The following CGB2 variants were observed in gnomAD, a reference collection of about 807,000 sequenced individuals.
The protein encoded by CGB2 is chorionic gonadotropin subunit beta 2.
CGB2 carries 4 observed loss-of-function variants against 7.1 expected under a neutral mutation model. That is an observed-to-expected ratio of 0.57 (90% CI 0.28 to 1.29). The LOEUF (loss-of-function observed/expected upper bound fraction) is 1.29, where lower values mean the gene tolerates loss of function less well. Among genes scored for constraint, CGB2 ranks in the 50% most tolerant of loss-of-function variants. The pLI is 0.10. For missense variants in CGB2, 88 were observed against 224.0 expected (o/e 0.39, Z 3.88); for synonymous variants, 51 against 100.3 (o/e 0.51, Z 2.94).
chr19:49,032,245 C>G (rs1310387323), intron 1 of CGB2, 141 bp downstream of exon 1: 9 of 1,610,450 alleles, frequency 5.6e-6, no homozygotes, highest in Non-Finnish European at 7.6e-6. Context: ...GGAAGGAGGC[C>G]TCTTTCTGGA....
chr19:49,031,987 C>G lies in CGB2; in HGVS notation c.-109C>G. On this transcript the variant is annotated 5_prime_UTR_variant, in exon 1 of 3. Transcript: ENST00000359342. ...CGCTGACTCCGGCCGGGTTCCCGTG[C>G]CGCGTCCAACACCCCTCACTCCCTG... The G allele has an allele frequency of 1.3e-6, 2 of 1,503,824 alleles. No homozygotes were observed. Among genetic ancestry groups the G allele is most frequent in the Non-Finnish European group, 1.8e-6 (2 of 1,081,350 alleles). The allele number at this position is 1,503,824 out of a possible 1,614,324, so 93.2% of individuals were successfully genotyped here.
rs144946613 is a variant in CGB2 at position 49,032,030 on chromosome 19, G to C, written c.-66G>C. On this transcript the variant is annotated 5_prime_UTR_variant, in exon 1 of 3. Coordinates refer to ENST00000359342, the MANE Select transcript of CGB2 (RefSeq NM_033378.2). ...ACTCCCTGTCTCACTCCCCCACGGA[G>C]ACTCAATTTACTTTCCATGTCCACA... 3.0e-3 allele frequency: 4,845 copies of C among 1,610,112 alleles called. 118 individuals carry two copies. In the African/African-American group the frequency reaches 0.055, roughly 18 times the overall value.
At position 49,031,959 on chromosome 19, in the gene CGB2, G is replaced by T. The variant is rs1254346655; in HGVS notation, c.-137G>T. On this transcript the variant is annotated 5_prime_UTR_variant, in exon 1 of 3. Coordinates refer to ENST00000359342, the MANE Select transcript of CGB2 (RefSeq NM_033378.2). ...TATCTGAGAGAGAGCAGCCAATTGG[G>T]TCCGCTGACTCCGGCCGGGTTCCCG... 1.7e-6 allele frequency: 2 copies of T among 1,207,962 alleles called. No individual in the cohort carries two copies. Among genetic ancestry groups the T allele is most frequent in the African/African-American group, 1.5e-5 (1 of 67,004 alleles). The allele number at this position is 1,207,962 out of a possible 1,614,324, so 74.8% of individuals were successfully genotyped here. A position where few individuals can be genotyped will look rare whatever the true frequency, so the allele number is the denominator to read the frequency against.
At position 49,032,090 on chromosome 19, in the gene CGB2, A is replaced by T. The variant is rs1367190127; in HGVS notation, c.-6A>T. The stretch of plus-strand genomic sequence containing the variant: ...CTTGCGGAAGATATCCCGCTAAGAG[A>T]GAGACATGTCAAAGGTAGGGTAGAT... On this transcript the variant is annotated 5_prime_UTR_variant, in exon 1 of 3. Coordinates refer to ENST00000359342, the MANE Select transcript of CGB2 (RefSeq NM_033378.2). 4 of 1,613,844 alleles carry T rather than the reference A, an allele frequency of 2.5e-6. No individual in the cohort carries two copies. Among genetic ancestry groups the T allele is most frequent in the Non-Finnish European group, 8.5e-7 (1 of 1,179,846 alleles).
Position 49,031,915 on chromosome 19 carries a change from G to C in CGB2, c.-181G>C. 1 of 776,762 alleles carries C rather than the reference G, an allele frequency of 1.3e-6. No individual in the cohort carries two copies. The highest frequency in any genetic ancestry group is 2.1e-6 in the Non-Finnish European group (1 of 466,394). 48.1% of individuals were successfully genotyped at this position (776,762 alleles called of 1,614,324 possible). On this transcript the variant is annotated 5_prime_UTR_variant, in exon 1 of 3. Transcript: ENST00000359342. ...GCCCTGCGTTCCGTGGCGCCCCCTG[G>C]AGGGAGGAAGGGGAACTGTATCTGA...
intron 1 of CGB2, 149 bp downstream of exon 1, chr19:49,032,253 G>T (rs2039745400): frequency 2.5e-6 from 4 of 1,607,224 alleles, no homozygotes; most frequent in Non-Finnish European, 3.4e-6. Flanking sequence ...GCCTCTTTCT[G>T]GAGGAGCGTG....
intron 1 of CGB2, 126 bp from the exon 2 acceptor site, chr19:49,032,378 G>A (rs1462891997): frequency 6.3e-7 from 1 of 1,597,268 alleles, no homozygotes; most frequent in Non-Finnish European, 8.5e-7. Context: ...TCCGGGTGGT[G>A]GGTCCTGAAT....
chr19:49,032,036 A>G lies in CGB2; in HGVS notation c.-60A>G. On this transcript the variant is annotated 5_prime_UTR_variant, in exon 1 of 3. Transcript: ENST00000359342. Reference sequence around the variant, plus strand: ...TGTCTCACTCCCCCACGGAGACTCAATTTACTTTCCATGTCCACATCCCCA... The same window carrying G: ...TGTCTCACTCCCCCACGGAGACTCAGTTTACTTTCCATGTCCACATCCCCA... 35 of 1,612,222 alleles carry G rather than the reference A, an allele frequency of 2.2e-5. 1 individual carries two copies. The highest frequency in any genetic ancestry group is 2.8e-5 in the Non-Finnish European group (33 of 1,178,330).
rs201307885 is a variant in CGB2, at chr19:49,032,112, A to T, written c.9+8A>T. ...GAGAGAGACATGTCAAAGGTAGGGT[A>T]GATCGACATTTCCAGGCACCAAAGA... On this transcript the variant is annotated splice_region_variant and intron_variant, in intron 1 of 2. Transcript: ENST00000359342. The T allele has an allele frequency of 4.6e-5, 74 of 1,613,976 alleles. 1 individual carries two copies. In the African/African-American group the frequency reaches 8.3e-4, roughly 18 times the overall value.
intron 1 of CGB2, 171 bp from the exon 2 acceptor site, chr19:49,032,333 C>A: frequency 1.3e-6 from 2 of 1,578,162 alleles, no homozygotes; most frequent in South Asian, 2.3e-5. Flanking sequence ...ATCTGAGATC[C>A]TCTGGGCTGT....
In CGB2 at chr19:49,032,110, G is replaced by A. The variant is rs765677461; in HGVS notation, c.9+6G>A. ...AAGAGAGAGACATGTCAAAGGTAGGGTAGATCGACATTTCCAGGCACCAAA... is the reference window on the plus strand; with the variant it reads ...AAGAGAGAGACATGTCAAAGGTAGGATAGATCGACATTTCCAGGCACCAAA... On this transcript the variant is annotated splice_donor_region_variant and intron_variant, in intron 1 of 2. Transcript: ENST00000359342. 3.1e-6 allele frequency: 5 copies of A among 1,613,870 alleles called. No homozygotes were observed. The highest frequency in any genetic ancestry group is 4.2e-6 in the Non-Finnish European group (5 of 1,179,852).
chr19:49,032,417 T>G, intron 1 of CGB2, 87 bp from the exon 2 acceptor site: 6 of 1,597,072 alleles, frequency 3.8e-6, no homozygotes, highest in Non-Finnish European at 3.4e-6. Flanking sequence ...TCTCTGGGTC[T>G]TTGTGGGTGG....
At position 49,031,979 on chromosome 19, in the gene CGB2, T is replaced by G; in HGVS notation, c.-117T>G. On this transcript the variant is annotated 5_prime_UTR_variant, in exon 1 of 3. Transcript: ENST00000359342. Reference sequence around the variant, plus strand: ...ATTGGGTCCGCTGACTCCGGCCGGGTTCCCGTGCCGCGTCCAACACCCCTC... The same window carrying G: ...ATTGGGTCCGCTGACTCCGGCCGGGGTCCCGTGCCGCGTCCAACACCCCTC... 6.9e-7 allele frequency: 1 copy of G among 1,450,412 alleles called. No individual in the cohort carries two copies. Among genetic ancestry groups the G allele is most frequent in the Non-Finnish European group, 9.7e-7 (1 of 1,033,718 alleles). The allele number at this position is 1,450,412 out of a possible 1,614,324, so 89.8% of individuals were successfully genotyped here.
Position 49,033,171 on chromosome 19 carries a change from A to T in CGB2, c.442A>T (p.Ser148Cys). The T allele has an allele frequency of 2.5e-6, 4 of 1,610,774 alleles. No homozygotes were observed. Among genetic ancestry groups the T allele is most frequent in the Non-Finnish European group, 3.4e-6 (4 of 1,179,768 alleles). Residue 148 changes from serine (S) to cysteine (C), a missense_variant, in exon 3 of 3, where the codon AGC becomes TGC. Ser to Cys is a moderately radical substitution (Grantham distance 112). This residue lies in a region of CGB2 where 29 missense variants were observed against 30.7 expected (regional missense o/e 0.94). Transcript: ENST00000359342. ...SSKAPPPSLP[S>C]PSRLPGPSDT... ...AAAGGCCCCTCCCCCCAGCCTTCCA[A>T]GCCCATCCCGACTCCCGGGGCCCTC...
Position 49,032,104 on chromosome 19 carries a change from G to T in CGB2, c.9G>T (p.Lys3Asn). Residue 3 changes from lysine (K) to asparagine (N), a missense_variant and splice_region_variant, in exon 1 of 3, where the codon AAG becomes AAT. Lys to Asn is a moderately conservative substitution (Grantham distance 94, BLOSUM62 0). Transcript: ENST00000359342. Reference sequence around the variant, plus strand: ...CCCGCTAAGAGAGAGACATGTCAAAGGTAGGGTAGATCGACATTTCCAGGC... The same window carrying T: ...CCCGCTAAGAGAGAGACATGTCAAATGTAGGGTAGATCGACATTTCCAGGC... MS[K>N]GLLLLLLLSM... 4.3e-6 allele frequency: 7 copies of T among 1,613,982 alleles called. No individual in the cohort carries two copies. The highest frequency in any genetic ancestry group is 5.1e-6 in the Non-Finnish European group (6 of 1,179,844).
At position 49,032,027 on chromosome 19, in the gene CGB2, G is replaced by A; in HGVS notation, c.-69G>A. The A allele has an allele frequency of 1.9e-6, 3 of 1,609,006 alleles. No homozygotes were observed. The highest frequency in any genetic ancestry group is 1.3e-5 in the African/African-American group (1 of 74,936). On this transcript the variant is annotated 5_prime_UTR_variant, in exon 1 of 3. Transcript: ENST00000359342. ...CTCACTCCCTGTCTCACTCCCCCAC[G>A]GAGACTCAATTTACTTTCCATGTCC...
chr19:49,032,132 C>G, intron 1 of CGB2, 28 bp downstream of exon 1: 1 of 1,613,840 alleles, frequency 6.2e-7, no homozygotes. Flanking sequence ...TTCCAGGCAC[C>G]AAAGATGGAG....
At position 49,032,020 on chromosome 19, in the gene CGB2, C is replaced by A. The variant is rs1407540858; in HGVS notation, c.-76C>A. ...AACACCCCTCACTCCCTGTCTCACTCCCCCACGGAGACTCAATTTACTTTC... is the reference window on the plus strand; with the variant it reads ...AACACCCCTCACTCCCTGTCTCACTACCCCACGGAGACTCAATTTACTTTC... On this transcript the variant is annotated 5_prime_UTR_variant, in exon 1 of 3. Coordinates refer to ENST00000359342, the MANE Select transcript of CGB2 (RefSeq NM_033378.2). The A allele has an allele frequency of 2.5e-6, 4 of 1,603,274 alleles. No homozygotes were observed. Among genetic ancestry groups the A allele is most frequent in the Non-Finnish European group, 3.4e-6 (4 of 1,170,528 alleles).
rs2039744434 is a variant in CGB2, at chr19:49,032,197, A to G, written c.9+93A>G. ...GGCACCTTCCACCTGCTTCCAGGCC[A>G]TCACTGGCATGAGAAGGGGCAGACC... On this transcript the variant is annotated intron_variant, in intron 1 of 2. Coordinates refer to ENST00000359342, the MANE Select transcript of CGB2 (RefSeq NM_033378.2). 4.3e-6 allele frequency: 7 copies of G among 1,613,788 alleles called. No homozygotes were observed. In the Admixed American group the frequency reaches 8.3e-5, roughly 19 times the overall value.
Sources: gnomAD v4.1 joint callset for allele counts on GRCh38, gnomAD v4.1.1 for gene constraint, gnomAD v4.1.1 regional missense constraint, MANE v1.5 for transcripts, NCBI Gene and HGNC (gene_info 2026-07-23, HGNC 2026-07-21) for gene names.